PCSK2: variants seen among roughly 807,000 people sequenced by gnomAD.
PCSK2 encodes neuroendocrine convertase 2.
Under a neutral mutation model 69.7 loss-of-function variants are expected in PCSK2, and 14 were observed. That is an observed-to-expected ratio of 0.20 (90% CI 0.13 to 0.31). PCSK2 has a LOEUF of 0.31. PCSK2 is among the 10% of genes least tolerant of loss of function. The pLI is 1.00. For synonymous variants in PCSK2, 307 were observed against 320.7 expected (o/e 0.96, Z 0.46); for missense variants, 544 against 842.5 (o/e 0.65, Z 4.39).
intron 2 of PCSK2, among the ~76,000 whole-genome samples, chr20:17,308,684 T>A (rs1989406282): frequency 6.6e-6 from 1 of 152,214 alleles, no homozygotes; most frequent in African/African-American, 2.4e-5. Flanking sequence ...CGAGTTCAGC[T>A]AGGTGGGTGT....
intron 2 of PCSK2, among the ~76,000 whole-genome samples, chr20:17,334,652 A>G (rs969400227): frequency 6.6e-6 from 1 of 152,158 alleles, no homozygotes; most frequent in Non-Finnish European, 1.5e-5. Flanking sequence ...GGAAGGGGCC[A>G]TGAGGGGTGG....
chr20:17,328,992 G>C (rs77111492), intron 2 of PCSK2, among the ~76,000 whole-genome samples: 207 of 152,260 alleles, frequency 1.4e-3, no homozygotes, highest in African/African-American at 4.8e-3. Flanking sequence ...GAGTTCTTTG[G>C]TTTTCAGAAC....
intron 5 of PCSK2, among the ~76,000 whole-genome samples, chr20:17,407,411 T>A (rs911275480): frequency 6.6e-6 from 1 of 152,108 alleles, no homozygotes; most frequent in African/African-American, 2.4e-5. Context: ...TGCTTAAGTT[T>A]CAATCTCAGC....
intron 10 of PCSK2, among the ~76,000 whole-genome samples, chr20:17,459,829 T>C (rs1455604779): frequency 1.3e-5 from 2 of 152,216 alleles, no homozygotes; most frequent in Non-Finnish European, 2.9e-5. Context: ...GTCGCTGATC[T>C]GTGAACTAGG....
At chr20:17,274,963 G>A (rs1271673945) in intron 2 of PCSK2, among the ~76,000 whole-genome samples, 1 of 151,504 alleles carries the variant, frequency 6.6e-6, no homozygotes, top group Non-Finnish European at 1.5e-5. Context: ...TGCTTCTTTG[G>A]CTATTATTGT....
chr20:17,312,706 CTA>C (rs1456623159), intron 2 of PCSK2, among the ~76,000 whole-genome samples: 97 of 152,102 alleles, frequency 6.4e-4, no homozygotes, highest in African/African-American at 2.3e-3. Flanking sequence ...CTCTTCTAGA[CTA>C]TGAGAAGAGA....
At chr20:17,322,954 C>G (rs1237183743) in intron 2 of PCSK2, among the ~76,000 whole-genome samples, 2 of 152,100 alleles carry the variant, frequency 1.3e-5, no homozygotes, top group Non-Finnish European at 2.9e-5. Flanking sequence ...ATCTCCACCT[C>G]CTGGGTTCAA....
intron 6 of PCSK2, among the ~76,000 whole-genome samples, chr20:17,415,533 G>T (rs764890974): frequency 6.6e-6 from 1 of 152,028 alleles, no homozygotes; most frequent in Non-Finnish European, 1.5e-5. Flanking sequence ...AACAAAAGAG[G>T]ACACAAACAA....
chr20:17,308,811 T>C (rs73897882), intron 2 of PCSK2, among the ~76,000 whole-genome samples: 2,556 of 152,224 alleles, frequency 0.017, 76 homozygotes, highest in African/African-American at 0.059. Flanking sequence ...CTCTGCCCCA[T>C]GTGGTCTCCC....
At chr20:17,382,126 T>C (rs2031104805) in intron 5 of PCSK2, among the ~76,000 whole-genome samples, 1 of 151,944 alleles carries the variant, frequency 6.6e-6, no homozygotes, top group Non-Finnish European at 1.5e-5. Context: ...CCGTGGAGAG[T>C]TGGTAGTTGG....
Position 17,424,858 on chromosome 20 carries a change from C to T in PCSK2, c.621-4577C>T, listed in dbSNP as rs1350166462. Among the ~76,000 whole-genome samples, 4 of 152,038 alleles carry T rather than the reference C, an allele frequency of 2.6e-5. No individual in the cohort carries two copies. In the East Asian group the frequency reaches 7.7e-4, roughly 29 times the overall value. The stretch of plus-strand genomic sequence containing the variant: ...GGAGTGCAGTGGCGTAATCTTGGCA[C>T]ACTGTAACCTCCGACTCCTAGGTTC... On this transcript the variant is annotated intron_variant, in intron 6 of 11. Transcript: ENST00000262545.
intron 5 of PCSK2, among the ~76,000 whole-genome samples, chr20:17,386,642 G>A (rs1188134055): frequency 1.3e-5 from 2 of 152,140 alleles, no homozygotes; most frequent in Admixed American, 6.6e-5. Context: ...GGTTGAGGGG[G>A]AAAATAGGGA....
intron 1 of PCSK2, among the ~76,000 whole-genome samples, chr20:17,253,990 T>C (rs1460286417): frequency 1.3e-5 from 2 of 152,236 alleles, no homozygotes; most frequent in Non-Finnish European, 2.9e-5. Context: ...TCTTTCTGTA[T>C]GTTTATAGGC....
At chr20:17,347,100 C>A (rs1229551281) in intron 2 of PCSK2, among the ~76,000 whole-genome samples, 2 of 152,214 alleles carry the variant, frequency 1.3e-5, no homozygotes, top group African/African-American at 4.8e-5. Context: ...TTTATTCTTG[C>A]AAGATGGTCC....
At chr20:17,392,000 G>A (rs1410135938) in intron 5 of PCSK2, among the ~76,000 whole-genome samples, 1 of 151,632 alleles carries the variant, frequency 6.6e-6, no homozygotes, top group Non-Finnish European at 1.5e-5. Context: ...GGAAAGGAAG[G>A]AAAGGAAGGA....
chr20:17,356,929 C>A (rs1173966765), intron 2 of PCSK2, among the ~76,000 whole-genome samples: 1 of 152,122 alleles, frequency 6.6e-6, no homozygotes, highest in East Asian at 1.9e-4. Flanking sequence ...AGCAGGCGGG[C>A]ACCTAGAACT....
intron 4 of PCSK2, 96 bp downstream of exon 4, chr20:17,360,736 A>G: frequency 1.4e-6 from 1 of 718,946 alleles, no homozygotes; most frequent in South Asian, 1.7e-5. Flanking sequence ...CTAACCAGAG[A>G]TGGAACAGCA....
At chr20:17,321,388 C>G (rs953198225) in intron 2 of PCSK2, among the ~76,000 whole-genome samples, 1 of 152,236 alleles carries the variant, frequency 6.6e-6, no homozygotes, top group African/African-American at 2.4e-5. Flanking sequence ...CTCCAATACT[C>G]TCCTCACTGC....
intron 1 of PCSK2, among the ~76,000 whole-genome samples, chr20:17,231,064 T>C (rs1347349804): frequency 1.3e-5 from 2 of 152,190 alleles, no homozygotes. Flanking sequence ...AAACAAAAAT[T>C]ATTTATTGAA....
Sources: allele counts gnomAD v4.1 joint callset (sites outside exome capture counted in the v4.1 genomes callset), GRCh38; gene constraint gnomAD v4.1.1; transcripts MANE v1.5; gene names NCBI Gene and HGNC (gene_info 2026-07-23, HGNC 2026-07-21).